Variants in SPIRE1 observed in about 807,000 individuals in gnomAD.
SPIRE1 encodes the protein protein spire homolog 1.
In SPIRE1, 40 loss-of-function variants were observed where a neutral mutation model predicts 94.1. That is an observed-to-expected ratio of 0.43 (90% CI 0.33 to 0.55). The LOEUF is 0.55. Ranked by LOEUF, SPIRE1 falls within the 20% of genes least tolerant of loss-of-function variation. SPIRE1 has a pLI of 0.06. For missense variants in SPIRE1, 838 were observed against 975.2 expected (o/e 0.86, Z 1.87); for synonymous variants, 376 against 371.7 (o/e 1.01, Z -0.13).
intron 12 of SPIRE1, among the ~76,000 whole-genome samples, chr18:12,456,574 G>GA (rs1276154482): frequency 6.6e-6 from 1 of 152,174 alleles, no homozygotes; most frequent in African/African-American, 2.4e-5. Context: ...CAAATAACCA[G>GA]ATAGCCAGAT....
At chr18:12,601,321 G>C (rs1284074006) in intron 2 of SPIRE1, among the ~76,000 whole-genome samples, 2 of 151,904 alleles carry the variant, frequency 1.3e-5, no homozygotes, top group South Asian at 2.1e-4. Context: ...TACTTGGGAG[G>C]CTGAGGCAGG....
At chr18:12,489,762 C>A (rs1278715390) in intron 8 of SPIRE1, among the ~76,000 whole-genome samples, 2 of 152,178 alleles carry the variant, frequency 1.3e-5, no homozygotes, top group African/African-American at 4.8e-5. Context: ...GCCAAATAAA[C>A]CATTAGATGC....
intron 4 of SPIRE1, among the ~76,000 whole-genome samples, chr18:12,514,864 T>G (rs1255181512): frequency 6.6e-6 from 1 of 152,276 alleles, no homozygotes; most frequent in Middle Eastern, 3.4e-3. Flanking sequence ...AGAAATGCAT[T>G]TCTAATACCA....
chr18:12,548,837 A>G (rs2144296876), intron 2 of SPIRE1, among the ~76,000 whole-genome samples: 1 of 152,048 alleles, frequency 6.6e-6, no homozygotes, highest in South Asian at 2.1e-4. Context: ...CTGGACTCAA[A>G]CTCCTGGACT....
intron 8 of SPIRE1, among the ~76,000 whole-genome samples, chr18:12,487,586 G>A (rs2033084324): frequency 1.3e-5 from 2 of 151,794 alleles, no homozygotes; most frequent in African/African-American, 4.8e-5. Context: ...GAGAGACAGG[G>A]TTTCACCATG....
At chr18:12,623,722 A>G (rs2037541372) in intron 2 of SPIRE1, among the ~76,000 whole-genome samples, 1 of 152,006 alleles carries the variant, frequency 6.6e-6, no homozygotes, top group Non-Finnish European at 1.5e-5. Context: ...TCCACCTCCC[A>G]GGTTGAATCA....
intron 2 of SPIRE1, among the ~76,000 whole-genome samples, chr18:12,580,503 C>T (rs8083974): frequency 0.9 from 136,962 of 152,042 alleles, 61,957 homozygotes; most frequent in Non-Finnish European, 0.95. Context: ...TTTGCATTTT[C>T]AGTAGAGACG....
chr18:12,481,373 A>C (rs181957750), intron 9 of SPIRE1, among the ~76,000 whole-genome samples: 1 of 150,724 alleles, frequency 6.6e-6, no homozygotes, highest in East Asian at 2.0e-4. Context: ...GAGCTCCAGG[A>C]AACACTTGGT....
chr18:12,613,532 T>A (rs1307085268), intron 2 of SPIRE1, among the ~76,000 whole-genome samples: 12 of 152,150 alleles, frequency 7.9e-5, no homozygotes, highest in Non-Finnish European at 2.9e-5. Context: ...AACTGAGAAG[T>A]GCAGAAGCAT....
intron 6 of SPIRE1, among the ~76,000 whole-genome samples, chr18:12,496,791 C>T (rs534270715): frequency 6.6e-6 from 1 of 152,256 alleles, no homozygotes; most frequent in Non-Finnish European, 1.5e-5. Flanking sequence ...ATGGCATGAA[C>T]CCAGGAGGCG....
intron 1 of SPIRE1, among the ~76,000 whole-genome samples, chr18:12,639,026 T>G (rs1304851969): frequency 1.3e-5 from 2 of 152,142 alleles, no homozygotes; most frequent in African/African-American, 4.8e-5. Context: ...CCATTCCCAC[T>G]TTCAGTGGCT....
rs1307845678 is a variant in SPIRE1 at position 12,476,559 on chromosome 18, AAAAAAATATAT to A, written c.1404+3129_1404+3139del. Among the ~76,000 whole-genome samples, 56 of 80,600 alleles carry A rather than the reference AAAAAAATATAT, an allele frequency of 6.9e-4. No individual in the cohort carries two copies. In the East Asian group the frequency reaches 0.017, roughly 25 times the overall value. The allele number at this position is 80,600 out of a possible 152,430, so 52.9% of individuals were successfully genotyped here. ...CTGTCTCCAAAAAAAAAAAAAAAAAAAAAAAATATATATATATATATATATATATACACACA... is the reference window on the plus strand; with the variant it reads ...CTGTCTCCAAAAAAAAAAAAAAAAAAATATATATATATATATATACACACA... On this transcript the variant is annotated intron_variant, in intron 10 of 16. Coordinates refer to ENST00000409402, the MANE Select transcript of SPIRE1 (RefSeq NM_001128626.2).
At chr18:12,627,928 A>G (rs1237277695) in intron 2 of SPIRE1, among the ~76,000 whole-genome samples, 1 of 147,928 alleles carries the variant, frequency 6.8e-6, no homozygotes, top group Non-Finnish European at 1.5e-5. Flanking sequence ...AATTTGTTTG[A>G]GTTCTTTGTA....
chr18:12,557,252 GGACA>G (rs2035543153), intron 2 of SPIRE1, among the ~76,000 whole-genome samples: 1 of 152,222 alleles, frequency 6.6e-6, no homozygotes, highest in Non-Finnish European at 1.5e-5. Flanking sequence ...AGCGGGGCAG[GGACA>G]GGGCTCAGGC....
At chr18:12,648,656 G>A (rs900229262) in intron 1 of SPIRE1, among the ~76,000 whole-genome samples, 13 of 152,000 alleles carry the variant, frequency 8.6e-5, no homozygotes, top group South Asian at 6.2e-4. Context: ...TTGGGAGGCC[G>A]AGGCGGACAG....
At chr18:12,609,027 C>A (rs77932963) in intron 2 of SPIRE1, among the ~76,000 whole-genome samples, 17 of 152,252 alleles carry the variant, frequency 1.1e-4, no homozygotes, top group Non-Finnish European at 1.2e-4. Flanking sequence ...GATCATCAGG[C>A]ATTATATTCT....
At chr18:12,455,111 T>G (rs960693890) in intron 12 of SPIRE1, among the ~76,000 whole-genome samples, 1 of 152,102 alleles carries the variant, frequency 6.6e-6, no homozygotes, top group Non-Finnish European at 1.5e-5. Flanking sequence ...AATTTTTTTG[T>G]ATTTTTTGCA....
chr18:12,607,722 AG>A (rs1423978260), intron 2 of SPIRE1, among the ~76,000 whole-genome samples: 1 of 152,092 alleles, frequency 6.6e-6, no homozygotes, highest in Non-Finnish European at 1.5e-5. Context: ...GAAAAGTTAA[AG>A]ACTTACCTGG....
At chr18:12,456,270 C>G (rs571520240) in intron 12 of SPIRE1, among the ~76,000 whole-genome samples, 1 of 152,190 alleles carries the variant, frequency 6.6e-6, no homozygotes, top group South Asian at 2.1e-4. Context: ...CTGTTTTGCT[C>G]CATCCTCAGA....
Sources: allele counts gnomAD v4.1 joint callset (sites outside exome capture counted in the v4.1 genomes callset), GRCh38; gene constraint gnomAD v4.1.1; transcripts MANE v1.5; gene names NCBI Gene and HGNC (gene_info 2026-07-23, HGNC 2026-07-21).